TRIM6: variants seen among roughly 807,000 people sequenced by gnomAD.
The protein encoded by TRIM6 is tripartite motif containing 6, also known as tripartite motif-containing protein 6.
A neutral mutation model predicts 51.2 loss-of-function variants in TRIM6; 43 were observed. That is an observed-to-expected ratio of 0.84 (90% CI 0.66 to 1.08). The LOEUF is 1.08. Ranked by LOEUF, TRIM6 falls within the 50% of genes least tolerant of loss-of-function variation. TRIM6 has a pLI of 0.00. For synonymous variants in TRIM6, 215 were observed against 232.4 expected, an observed-to-expected ratio of 0.93 and a Z score of 0.68; for missense variants, 669 against 619.0, an observed-to-expected ratio of 1.08 and a Z score of -0.86.
rs1802126270 is a variant in TRIM6, at chr11:5,596,709, G to T, written c.-189G>T. ...CCGTCCGTTCAACGGCCAAAGGCTG[G>T]CGGAGGAGGGATCCCCTGCCTTTCT... On this transcript the variant is annotated 5_prime_UTR_variant, in exon 1 of 8. Transcript: ENST00000380097. 4 of 836,848 alleles carry T rather than the reference G, an allele frequency of 4.8e-6. No homozygotes were observed. Among genetic ancestry groups the T allele is most frequent in the Middle Eastern group, 3.4e-4 (1 of 2,982 alleles). The allele number at this position is 836,848 out of a possible 1,614,324, so 51.8% of individuals were successfully genotyped here.
chr11:5,608,100 T>C (rs1421409146), intron 4 of TRIM6, among the ~76,000 whole-genome samples: 1 of 152,188 alleles, frequency 6.6e-6, no homozygotes, highest in Non-Finnish European at 1.5e-5. Flanking sequence ...TGACAAATAA[T>C]ACATGCTATA....
chr11:5,597,689 C>A (rs183779231), intron 1 of TRIM6, among the ~76,000 whole-genome samples: 109 of 152,298 alleles, frequency 7.2e-4, no homozygotes, highest in Non-Finnish European at 1.4e-3. Context: ...CCAGCCTACA[C>A]CAGCCCCAGT....
At position 5,608,847 on chromosome 11, in the gene TRIM6, A is replaced by ATTTTTTTTTT. The variant is rs370630648; in HGVS notation, c.857+465_857+474dup. ...ACACAGGAATTTTCTTTGCCCATAA[A>ATTTTTTTTTT]TTTTTTTTTTTTTTTTTTTTTGAGA... On this transcript the variant is annotated intron_variant, in intron 5 of 7. Transcript: ENST00000380097. Among the ~76,000 whole-genome samples the ATTTTTTTTTT allele has an allele frequency of 6.7e-3, 686 of 101,850 alleles. 38 individuals carry two copies. Among genetic ancestry groups the ATTTTTTTTTT allele is most frequent in the Middle Eastern group, 8.2e-3 (1 of 122 alleles). 66.8% of individuals were successfully genotyped at this position (101,850 alleles called of 152,430 possible). A position where few individuals can be genotyped will look rare whatever the true frequency, so the allele number is the denominator to read the frequency against.
In TRIM6 at chr11:5,604,594, A is replaced by G; in HGVS notation, c.568A>G (p.Thr190Ala). The change falls in exon 3 of 8, where the codon ACA becomes GCA. Residue 190 changes from threonine (T) to alanine (A), a missense_variant. By Grantham distance (58) the Thr-to-Ala change is moderately conservative (BLOSUM62 0). Transcript: ENST00000380097. The part of the protein sequence containing the change: ...KNEEQEAEKL[T>A]AFIREKKTSW... ...CGAGGAGCAGGAAGCTGAGAAGCTAACAGCTTTTATCAGAGAGAAGAAAAC... is the reference window on the plus strand; with the variant it reads ...CGAGGAGCAGGAAGCTGAGAAGCTAGCAGCTTTTATCAGAGAGAAGAAAAC... 1 of 1,613,346 alleles carries G rather than the reference A, an allele frequency of 6.2e-7. No individual in the cohort carries two copies. The highest frequency in any genetic ancestry group is 8.5e-7 in the Non-Finnish European group (1 of 1,179,724).
At position 5,612,441 on chromosome 11, in the gene TRIM6, T is replaced by A. The variant is rs1436834430; in HGVS notation, c.*1099T>A. 1 of 152,110 alleles carries A rather than the reference T, an allele frequency of 6.6e-6. No individual in the cohort carries two copies. The highest frequency in any genetic ancestry group is 1.5e-5 in the Non-Finnish European group (1 of 68,030). 9.4% of individuals were successfully genotyped at this position (152,110 alleles called of 1,614,324 possible). ...AAAAAAAATACGTCTTTCAAATTAATTGCAGTAAAAACAAAAGAGTAGTGG... is the reference window on the plus strand; with the variant it reads ...AAAAAAAATACGTCTTTCAAATTAAATGCAGTAAAAACAAAAGAGTAGTGG... On this transcript the variant is annotated 3_prime_UTR_variant, in exon 8 of 8. Transcript: ENST00000380097.
rs750270489 is a variant in TRIM6 at position 5,610,842 on chromosome 11, G to T, written c.1051G>T (p.Val351Leu). 1 of 1,614,240 alleles carries T rather than the reference G, an allele frequency of 6.2e-7. No homozygotes were observed. Among genetic ancestry groups the T allele is most frequent in the Non-Finnish European group, 8.5e-7 (1 of 1,180,054 alleles). Residue 351 changes from valine (V) to leucine (L), a missense_variant, in exon 8 of 8, where the codon GTG (valine) becomes TTG (leucine). Val to Leu is a conservative substitution (Grantham distance 32). Transcript: ENST00000380097. ...TGTCCTGGCTAAAAACCGGAGACAA[G>T]TGAGGTTTGTGGGAGCTAAAGTATC... ...NLVLAKNRRQ[V>L]RFVGAKVSGP...
At chr11:5,605,803 T>G (rs1185912746) in intron 4 of TRIM6, among the ~76,000 whole-genome samples, 3 of 152,200 alleles carry the variant, frequency 2.0e-5, no homozygotes, top group Admixed American at 2.0e-4. Flanking sequence ...GTCTAAAAGT[T>G]TATTTGATGC....
upstream of TRIM6, chr11:5,596,547 C>CCTTCCCCCTTCCCCTCCCCA (rs1235237994): frequency 9.2e-6 from 1 of 109,002 alleles, no homozygotes; most frequent in Non-Finnish European, 1.9e-5. Flanking sequence ...CCCCCTTCCC[C>CCTTCCCCCTTCCCCTCCCCA]CTTCCCCCTT....
intron 1 of TRIM6, among the ~76,000 whole-genome samples, chr11:5,600,512 G>GGCTTAT (rs1847773106): frequency 6.6e-6 from 1 of 152,130 alleles, no homozygotes; most frequent in Non-Finnish European, 1.5e-5. Flanking sequence ...GCCGCTAGGA[G>GGCTTAT]GCTTATGCTT....
chr11:5,601,052 A>T (rs562517249), intron 1 of TRIM6, among the ~76,000 whole-genome samples: 1 of 152,338 alleles, frequency 6.6e-6, no homozygotes, highest in South Asian at 2.1e-4. Flanking sequence ...ATGAAGATAT[A>T]AGGTCTCAAC....
At chr11:5,598,651 T>C (rs1301199647) in intron 1 of TRIM6, among the ~76,000 whole-genome samples, 1 of 152,236 alleles carries the variant, frequency 6.6e-6, no homozygotes, top group African/African-American at 2.4e-5. Flanking sequence ...CCAATGTGTA[T>C]TTTGTACCTA....
chr11:5,596,775 A>G lies in TRIM6; in HGVS notation c.-123A>G, dbSNP rs1251089584. On this transcript the variant is annotated 5_prime_UTR_variant, in exon 1 of 8. Transcript: ENST00000380097. Reference sequence around the variant, plus strand: ...CAGAGTCGTGCGTGGTTGAGTTTAGATAAAAGCCGAGTGAGCGCGCTCTGT... The same window carrying G: ...CAGAGTCGTGCGTGGTTGAGTTTAGGTAAAAGCCGAGTGAGCGCGCTCTGT... 2 of 1,494,820 alleles carry G rather than the reference A, an allele frequency of 1.3e-6. No homozygotes were observed. The highest frequency in any genetic ancestry group is 1.9e-6 in the Non-Finnish European group (2 of 1,078,508). The allele number at this position is 1,494,820 out of a possible 1,614,324, so 92.6% of individuals were successfully genotyped here. A position where few individuals can be genotyped will look rare whatever the true frequency, so the allele number is the denominator to read the frequency against.
At chr11:5,607,594 A>C (rs960799558) in intron 4 of TRIM6, among the ~76,000 whole-genome samples, 2 of 152,374 alleles carry the variant, frequency 1.3e-5, no homozygotes, top group African/African-American at 4.8e-5. Context: ...TAGCAGTGGC[A>C]GTGATAAAGG....
Position 5,610,761 on chromosome 11 carries a change from G to A in TRIM6, c.986-16G>A. ...GTCCCCGTTCTCATCTGCTGATGTT[G>A]TACCTTTTCCTACAGTTGACGTGAC... On this transcript the variant is annotated splice_polypyrimidine_tract_variant and intron_variant, in intron 7 of 7. Coordinates refer to ENST00000380097, the MANE Select transcript of TRIM6 (RefSeq NM_001003818.3). 6.2e-7 allele frequency: 1 copy of A among 1,612,698 alleles called. No individual in the cohort carries two copies. Among genetic ancestry groups the A allele is most frequent in the Non-Finnish European group, 8.5e-7 (1 of 1,179,180 alleles).
chr11:5,602,314 G>C (rs928057504), intron 1 of TRIM6, among the ~76,000 whole-genome samples: 1 of 151,964 alleles, frequency 6.6e-6, no homozygotes, highest in Non-Finnish European at 1.5e-5. Context: ...ATAGTGGCAG[G>C]CACCTGTAAT....
chr11:5,599,274 T>A (rs988586574), intron 1 of TRIM6, among the ~76,000 whole-genome samples: 13 of 152,200 alleles, frequency 8.5e-5, no homozygotes, highest in African/African-American at 3.1e-4. Flanking sequence ...TCAAGAGAAT[T>A]GGGTACGCTA....
chr11:5,596,716 A>G lies in TRIM6; in HGVS notation c.-182A>G, dbSNP rs1590070115. 13 of 831,220 alleles carry G rather than the reference A, an allele frequency of 1.6e-5. No individual in the cohort carries two copies. In the South Asian group the frequency reaches 2.0e-4, roughly 13 times the overall value. The allele number at this position is 831,220 out of a possible 1,614,324, so 51.5% of individuals were successfully genotyped here. A position where few individuals can be genotyped will look rare whatever the true frequency, so the allele number is the denominator to read the frequency against. On this transcript the variant is annotated 5_prime_UTR_variant, in exon 1 of 8. Coordinates refer to ENST00000380097, the MANE Select transcript of TRIM6 (RefSeq NM_001003818.3). ...TTCAACGGCCAAAGGCTGGCGGAGG[A>G]GGGATCCCCTGCCTTTCTCGGAACG...
chr11:5,602,805 C>G (rs1019729820), intron 1 of TRIM6, among the ~76,000 whole-genome samples: 1 of 148,018 alleles, frequency 6.8e-6, no homozygotes, highest in Non-Finnish European at 1.5e-5. Flanking sequence ...AATACAAAAA[C>G]TAGCCAGGTG....
chr11:5,608,847 A>ATTTTTTTTTTTT lies in TRIM6; in HGVS notation c.857+463_857+474dup, dbSNP rs370630648. Among the ~76,000 whole-genome samples the ATTTTTTTTTTTT allele has an allele frequency of 1.7e-3, 170 of 101,886 alleles. 10 individuals are homozygous for ATTTTTTTTTTTT. Among genetic ancestry groups the ATTTTTTTTTTTT allele is most frequent in the African/African-American group, 5.8e-3 (135 of 23,372 alleles). 66.8% of individuals were successfully genotyped at this position (101,886 alleles called of 152,430 possible). Reference sequence around the variant, plus strand: ...ACACAGGAATTTTCTTTGCCCATAAATTTTTTTTTTTTTTTTTTTTTGAGA... The same window carrying ATTTTTTTTTTTT: ...ACACAGGAATTTTCTTTGCCCATAAATTTTTTTTTTTTTTTTTTTTTTTTTTTTTTTTTGAGA... On this transcript the variant is annotated intron_variant, in intron 5 of 7. Transcript: ENST00000380097.
Sources: gnomAD v4.1 joint callset for allele counts (sites outside exome capture counted in the v4.1 genomes callset) on GRCh38, gnomAD v4.1.1 for gene constraint, MANE v1.5 for transcripts, NCBI Gene and HGNC (gene_info 2026-07-23, HGNC 2026-07-21) for gene names.